Variants in GDPD1 observed in about 807,000 individuals in gnomAD.
The protein encoded by GDPD1 is lysophospholipase D GDPD1.
Under a neutral mutation model 45.1 loss-of-function variants are expected in GDPD1, and 28 were observed. The ratio of observed to expected loss-of-function variants is 0.62; its 90% CI spans 0.46 to 0.85. The LOEUF (loss-of-function observed/expected upper bound fraction) is 0.85, where lower values mean the gene tolerates loss of function less well. Among genes scored for constraint, GDPD1 ranks in the 40% least tolerant of loss-of-function variants. The pLI, the probability that GDPD1 is intolerant of heterozygous loss-of-function variation, is 0.00. For synonymous variants in GDPD1, 139 were observed against 131.4 expected (o/e 1.06, Z -0.40); for missense variants, 256 against 364.8 (o/e 0.70, Z 2.43).
At chr17:59,248,708 T>C in intron 3 of GDPD1, 32 bp from the exon 4 acceptor site, 2 of 1,502,786 alleles carry the variant, frequency 1.3e-6, no homozygotes, top group Non-Finnish European at 9.1e-7. Context: ...TTTTTGAGAG[T>C]TAACTTTTTT....
chr17:59,240,580 T>G (rs931184589), intron 2 of GDPD1, among the ~76,000 whole-genome samples: 3 of 152,110 alleles, frequency 2.0e-5, no homozygotes, highest in African/African-American at 7.2e-5. Context: ...GCGATCCTCC[T>G]GCCTCAGCAT....
chr17:59,271,682 G>A (rs538309766), intron 8 of GDPD1, among the ~76,000 whole-genome samples: 4 of 149,030 alleles, frequency 2.7e-5, no homozygotes, highest in Admixed American at 2.0e-4. Context: ...TTTCTCTGTC[G>A]CCCAGGCTGG....
chr17:59,261,217 C>T (rs1406820494), intron 6 of GDPD1, among the ~76,000 whole-genome samples: 3 of 152,218 alleles, frequency 2.0e-5, no homozygotes, highest in East Asian at 1.9e-4. Flanking sequence ...CTGCCTGCCT[C>T]GGCCTCCCAA....
intron 6 of GDPD1, among the ~76,000 whole-genome samples, chr17:59,263,731 C>T (rs998849772): frequency 3.3e-5 from 5 of 152,060 alleles, no homozygotes; most frequent in South Asian, 4.2e-4. Flanking sequence ...CCACCTGCCT[C>T]GGCCTCCCAA....
intron 4 of GDPD1, among the ~76,000 whole-genome samples, chr17:59,254,059 TA>T (rs11284499): frequency 0.46 from 56,410 of 123,280 alleles, 13,235 homozygotes; most frequent in African/African-American, 0.68. Flanking sequence ...CATCTCTACT[TA>T]AAAAAAAAAA....
chr17:59,262,691 G>T (rs1158307811), intron 6 of GDPD1, among the ~76,000 whole-genome samples: 1 of 149,672 alleles, frequency 6.7e-6, no homozygotes, highest in Non-Finnish European at 1.5e-5. Context: ...GCAATGGTGC[G>T]ATCTTGGCTC....
chr17:59,251,176 T>A (rs768993082), intron 4 of GDPD1, among the ~76,000 whole-genome samples: 1 of 152,220 alleles, frequency 6.6e-6, no homozygotes, highest in Non-Finnish European at 1.5e-5. Context: ...TGTTCAGCTG[T>A]ACCATACTCC....
chr17:59,233,626 A>G (rs12451431), intron 1 of GDPD1, among the ~76,000 whole-genome samples: 63,526 of 151,998 alleles, frequency 0.42, 14,267 homozygotes, highest in African/African-American at 0.59. Flanking sequence ...TATTCTGGTG[A>G]TGCTACTATG....
At chr17:59,254,537 A>G (rs1486774315) in intron 4 of GDPD1, among the ~76,000 whole-genome samples, 1 of 152,106 alleles carries the variant, frequency 6.6e-6, no homozygotes, top group Non-Finnish European at 1.5e-5. Flanking sequence ...CTCAAAATAT[A>G]TATACATATA....
chr17:59,273,318 G>T (rs902481424), intron 9 of GDPD1, among the ~76,000 whole-genome samples: 1 of 151,936 alleles, frequency 6.6e-6, no homozygotes, highest in Non-Finnish European at 1.5e-5. Flanking sequence ...AGTAGAGACT[G>T]GGTTTTGCCA....
intron 2 of GDPD1, among the ~76,000 whole-genome samples, chr17:59,237,988 G>C (rs927306145): frequency 1.4e-5 from 2 of 138,242 alleles, no homozygotes; most frequent in African/African-American, 5.5e-5. Flanking sequence ...AAAAAAAAAG[G>C]CCGGGCATGG....
chr17:59,260,981 G>C (rs890937995), intron 6 of GDPD1: 1 of 152,118 alleles, frequency 6.6e-6, no homozygotes, highest in Non-Finnish European at 1.5e-5. Context: ...TAAGTTTGTT[G>C]TGGTTGTTGT....
chr17:59,232,917 T>A (rs959605353), intron 1 of GDPD1, among the ~76,000 whole-genome samples: 4 of 152,124 alleles, frequency 2.6e-5, no homozygotes, highest in African/African-American at 9.7e-5. Context: ...GGTAATTTTT[T>A]AATCAAAACA....
intron 2 of GDPD1, among the ~76,000 whole-genome samples, chr17:59,234,803 A>G (rs557885019): frequency 1.3e-5 from 2 of 152,336 alleles, no homozygotes; most frequent in South Asian, 4.1e-4. Flanking sequence ...ATTTGTAACA[A>G]GGAATGTACT....
rs781384753 is a variant in GDPD1, at chr17:59,274,843, A to ATTTTTTTTTTTTTTTT, written c.*1071_*1086dup. Among the ~76,000 whole-genome samples, 1 of 137,354 alleles carries ATTTTTTTTTTTTTTTT rather than the reference A, an allele frequency of 7.3e-6. No homozygotes were observed. Among genetic ancestry groups the ATTTTTTTTTTTTTTTT allele is most frequent in the African/African-American group, 2.7e-5 (1 of 36,646 alleles). 90.1% of individuals were successfully genotyped at this position (137,354 alleles called of 152,430 possible). A position where few individuals can be genotyped will look rare whatever the true frequency, so the allele number is the denominator to read the frequency against. ...CTGGAATACAATCAATTAGTAAAAG[A>ATTTTTTTTTTTTTTTT]TTTTTTTTTTTTTTTTGACATGTAG... On this transcript the variant is annotated 3_prime_UTR_variant, in exon 10 of 10. Transcript: ENST00000284116.
intron 1 of GDPD1, 140 bp downstream of exon 1, chr17:59,220,891 G>A: frequency 1.0e-6 from 1 of 966,048 alleles, no homozygotes; most frequent in Non-Finnish European, 1.5e-6. Flanking sequence ...TCTTCCGGAG[G>A]TGAAGGCTGT....
At chr17:59,241,699 C>A (rs997988558) in intron 2 of GDPD1, among the ~76,000 whole-genome samples, 2 of 151,486 alleles carry the variant, frequency 1.3e-5, no homozygotes, top group African/African-American at 2.4e-5. Context: ...GAGGCCGAGG[C>A]GGGTGGATCA....
intron 1 of GDPD1, among the ~76,000 whole-genome samples, chr17:59,232,939 GAT>G: frequency 6.6e-6 from 1 of 152,164 alleles, no homozygotes; most frequent in Non-Finnish European, 1.5e-5. Context: ...AGTGAGGCTG[GAT>G]GCAGTGGCTC....
At chr17:59,244,750 C>A (rs1220613765) in intron 2 of GDPD1, among the ~76,000 whole-genome samples, 1 of 152,104 alleles carries the variant, frequency 6.6e-6, no homozygotes, top group African/African-American at 2.4e-5. Flanking sequence ...AAACCTTGCA[C>A]TTTGGGAGGC....
Sources: allele counts gnomAD v4.1 joint callset (sites outside exome capture counted in the v4.1 genomes callset), GRCh38; gene constraint gnomAD v4.1.1; transcripts MANE v1.5; gene names NCBI Gene and HGNC (gene_info 2026-07-23, HGNC 2026-07-21).